DCC: variants seen among roughly 807,000 people sequenced by gnomAD.
DCC encodes netrin receptor DCC.
In DCC, 58 loss-of-function variants were observed where a neutral mutation model predicts 172.5. The ratio of observed to expected loss-of-function variants is 0.34; its 90% CI spans 0.27 to 0.42. The LOEUF is 0.42. DCC is among the 10% of genes least tolerant of loss of function. The pLI is 1.00. For missense variants in DCC, 1,740 were observed against 1,791.0 expected (o/e 0.97, Z 0.51); for synonymous variants, 709 against 644.5 (o/e 1.10, Z -1.52).
intron 7 of DCC, among the ~76,000 whole-genome samples, chr18:53,081,340 T>C (rs1023989840): frequency 2.0e-5 from 3 of 152,118 alleles, no homozygotes; most frequent in African/African-American, 7.2e-5. Context: ...TGCACTCATG[T>C]TGATAAAAAT....
chr18:53,231,212 G>A (rs1435661125), intron 12 of DCC, among the ~76,000 whole-genome samples: 1 of 152,006 alleles, frequency 6.6e-6, no homozygotes, highest in African/African-American at 2.4e-5. Context: ...ATGCTTTTTA[G>A]CCAAAGGAAG....
At chr18:52,588,773 C>T (rs913825653) in intron 1 of DCC, among the ~76,000 whole-genome samples, 1 of 152,046 alleles carries the variant, frequency 6.6e-6, no homozygotes, top group Non-Finnish European at 1.5e-5. Context: ...AAGACTAGAA[C>T]ACAAGTCTTA....
intron 27 of DCC, among the ~76,000 whole-genome samples, chr18:53,518,620 T>A (rs1234132270): frequency 2.0e-5 from 3 of 152,166 alleles, no homozygotes; most frequent in African/African-American, 7.2e-5. Context: ...CAGCCCATTT[T>A]TATTTTTTCC....
chr18:52,389,202 C>A (rs1264270421), intron 1 of DCC, among the ~76,000 whole-genome samples: 1 of 152,082 alleles, frequency 6.6e-6, no homozygotes, highest in African/African-American at 2.4e-5. Context: ...GCACTCCCAG[C>A]ATGTATTTGG....
intron 1 of DCC, among the ~76,000 whole-genome samples, chr18:52,667,218 T>C (rs2035472256): frequency 6.6e-6 from 1 of 152,186 alleles, no homozygotes; most frequent in Non-Finnish European, 1.5e-5. Context: ...TTCCCAGGGC[T>C]GAAGGTAACT....
intron 2 of DCC, among the ~76,000 whole-genome samples, chr18:52,827,919 G>A (rs1004197404): frequency 8.6e-5 from 13 of 152,018 alleles, no homozygotes; most frequent in African/African-American, 3.1e-4. Context: ...ACTCAGGTCT[G>A]TGCTTGGTTT....
intron 7 of DCC, among the ~76,000 whole-genome samples, chr18:53,093,865 C>G (rs758058151): frequency 6.6e-6 from 1 of 152,182 alleles, no homozygotes; most frequent in Non-Finnish European, 1.5e-5. Flanking sequence ...GCTCTACTCT[C>G]TCATCCATTC....
At chr18:53,002,858 G>C (rs2041587727) in intron 5 of DCC, among the ~76,000 whole-genome samples, 1 of 152,102 alleles carries the variant, frequency 6.6e-6, no homozygotes. Context: ...AGGCTGAATG[G>C]CTCTCCAGTG....
chr18:52,925,994 C>T (rs1179783760), intron 5 of DCC, among the ~76,000 whole-genome samples: 1 of 151,746 alleles, frequency 6.6e-6, no homozygotes, highest in South Asian at 2.1e-4. Context: ...CAAACAAACA[C>T]ATATTTTTAT....
intron 1 of DCC, among the ~76,000 whole-genome samples, chr18:52,549,511 T>C (rs936970834): frequency 6.6e-6 from 1 of 152,076 alleles, no homozygotes; most frequent in Admixed American, 6.6e-5. Context: ...AAAGAAGTGC[T>C]AATGACTTGT....
intron 12 of DCC, among the ~76,000 whole-genome samples, chr18:53,245,126 C>A (rs940588088): frequency 1.3e-5 from 2 of 152,114 alleles, no homozygotes; most frequent in East Asian, 3.9e-4. Flanking sequence ...TAGAAGAAAT[C>A]TAAGAATTCA....
At chr18:52,753,521 A>AT (rs889174702) in intron 2 of DCC, among the ~76,000 whole-genome samples, 19 of 152,148 alleles carry the variant, frequency 1.2e-4, no homozygotes, top group African/African-American at 3.4e-4. Context: ...TGCAGAGTCC[A>AT]TTTTTTTGTT....
intron 5 of DCC, among the ~76,000 whole-genome samples, chr18:52,985,481 T>A (rs975460995): frequency 2.6e-5 from 4 of 152,088 alleles, no homozygotes; most frequent in Admixed American, 2.0e-4. Flanking sequence ...ATGTTTCATT[T>A]TGGAAGCTTT....
chr18:53,020,802 A>G (rs146251001), intron 5 of DCC, among the ~76,000 whole-genome samples: 23 of 152,296 alleles, frequency 1.5e-4, no homozygotes, highest in Middle Eastern at 6.8e-3. Context: ...ATTAGATAGA[A>G]TTTAATAAAG....
chr18:52,955,949 T>A (rs1290924330), intron 5 of DCC, among the ~76,000 whole-genome samples: 1 of 152,022 alleles, frequency 6.6e-6, no homozygotes, highest in Non-Finnish European at 1.5e-5. Context: ...TTTTTGCATA[T>A]TTGGGCTATC....
intron 13 of DCC, among the ~76,000 whole-genome samples, chr18:53,307,412 C>A (rs975018375): frequency 1.3e-5 from 2 of 151,890 alleles, no homozygotes; most frequent in East Asian, 3.9e-4. Flanking sequence ...AGAGAAATCA[C>A]CAAAATTGAA....
At chr18:52,399,314 C>G (rs1299993947) in intron 1 of DCC, among the ~76,000 whole-genome samples, 1 of 151,920 alleles carries the variant, frequency 6.6e-6, no homozygotes, top group Non-Finnish European at 1.5e-5. Context: ...CCCTAGATAA[C>G]TTTCCAGCAT....
intron 14 of DCC, among the ~76,000 whole-genome samples, chr18:53,335,011 A>T (rs1041603269): frequency 2.6e-5 from 4 of 152,138 alleles, no homozygotes; most frequent in African/African-American, 9.7e-5. Flanking sequence ...AGGGACCCTT[A>T]TATGGTTTCT....
intron 6 of DCC, among the ~76,000 whole-genome samples, chr18:53,065,462 A>T (rs893668306): frequency 1.3e-5 from 2 of 152,284 alleles, no homozygotes; most frequent in East Asian, 1.9e-4. Flanking sequence ...CAGCCATACA[A>T]TAAGAACCAC....
Sources: gnomAD v4.1 joint callset for allele counts (sites outside exome capture counted in the v4.1 genomes callset) on GRCh38, gnomAD v4.1.1 for gene constraint, MANE v1.5 for transcripts, NCBI Gene and HGNC (gene_info 2026-07-23, HGNC 2026-07-21) for gene names.